TTI1: variants seen among roughly 807,000 people sequenced by gnomAD.
TTI1 encodes the protein TELO2-interacting protein 1 homolog.
A neutral mutation model predicts 85.4 loss-of-function variants in TTI1; 52 were observed. That is an observed-to-expected ratio of 0.61 (90% CI 0.49 to 0.77). The LOEUF is 0.77. Among genes scored for constraint, TTI1 ranks in the 30% least tolerant of loss-of-function variants. TTI1 has a pLI of 0.00. For synonymous variants in TTI1, 512 were observed against 503.9 expected (o/e 1.02, Z -0.22); for missense variants, 1,173 against 1,296.0 (o/e 0.91, Z 1.46).
At chr20:38,005,850 C>T (rs935720405) in intron 3 of TTI1, 5 of 240,290 alleles carry the variant, frequency 2.1e-5, no homozygotes, top group African/African-American at 4.6e-5. Context: ...TCCACCGCAG[C>T]ACTGTTTATT....
Position 37,999,242 on chromosome 20 carries a change from C to T in TTI1, c.2739G>A (p.Ser913=), listed in dbSNP as rs770631331. Residue 913 remains serine (S), a synonymous_variant, in exon 5 of 8, where the codon TCG becomes TCA. Transcript: ENST00000373447. ...LLPLAHQAWP[S]LVHRLTRDAP... ...CGTCCCGTGTGAGTCGGTGAACGAG[C>T]GAGGGCCAGGCCTGATGAGCCAAGG... 13 of 1,522,230 alleles carry T rather than the reference C, an allele frequency of 8.5e-6. No individual in the cohort carries two copies. Among genetic ancestry groups the T allele is most frequent in the South Asian group, 2.6e-5 (2 of 78,088 alleles). 94.3% of individuals were successfully genotyped at this position (1,522,230 alleles called of 1,614,324 possible). A position where few individuals can be genotyped will look rare whatever the true frequency, so the allele number is the denominator to read the frequency against.
Position 37,983,271 on chromosome 20 carries a change from TAGTC to T in TTI1, c.*181_*184del, listed in dbSNP as rs1419933683. 4 of 606,288 alleles carry T rather than the reference TAGTC, an allele frequency of 6.6e-6. No homozygotes were observed. Among genetic ancestry groups the T allele is most frequent in the East Asian group, 3.1e-5 (1 of 32,168 alleles). 37.6% of individuals were successfully genotyped at this position (606,288 alleles called of 1,614,324 possible). A position where few individuals can be genotyped will look rare whatever the true frequency, so the allele number is the denominator to read the frequency against. The stretch of plus-strand genomic sequence containing the variant: ...AACACAAGGTATGAAACATAAATAA[TAGTC>T]AGCTACTTTCCTTCAATCCATTTCT... On this transcript the variant is annotated 3_prime_UTR_variant, in exon 8 of 8. Transcript: ENST00000373447.
At chr20:38,016,825 C>T (rs1389981048) in intron 1 of TTI1, among the ~76,000 whole-genome samples, 2 of 152,216 alleles carry the variant, frequency 1.3e-5, no homozygotes, top group African/African-American at 2.4e-5. Flanking sequence ...ATTCTCTAGG[C>T]TTAATTCTTA....
rs1322494204 is a variant in TTI1, at chr20:37,997,010, A to G, written c.2794-57T>C. 43 of 1,568,292 alleles carry G rather than the reference A, an allele frequency of 2.7e-5. 3 individuals are homozygous for G. In the Admixed American group the frequency reaches 5.2e-4, roughly 19 times the overall value. On this transcript the variant is annotated intron_variant, in intron 5 of 7. Coordinates refer to ENST00000373447, the MANE Select transcript of TTI1 (RefSeq NM_001303457.2). Reference sequence around the variant, plus strand: ...ACATTGCCAAGGCAGCAAGAGAGCTAAAGAATGCTTGGTAATTCGATTTCA... The same window carrying G: ...ACATTGCCAAGGCAGCAAGAGAGCTGAAGAATGCTTGGTAATTCGATTTCA...
chr20:38,014,600 G>A (rs572441014), intron 1 of TTI1, among the ~76,000 whole-genome samples: 1 of 152,284 alleles, frequency 6.6e-6, no homozygotes, highest in Non-Finnish European at 1.5e-5. Flanking sequence ...GCGAAAGGGG[G>A]TACCCAGAGA....
intron 5 of TTI1, among the ~76,000 whole-genome samples, chr20:37,998,343 T>C (rs1049018368): frequency 6.6e-6 from 1 of 152,188 alleles, no homozygotes; most frequent in Non-Finnish European, 1.5e-5. Context: ...GTCTAGTATA[T>C]GCTGAAGAAT....
Position 37,997,095 on chromosome 20 carries a change from T to C in TTI1, c.2794-142A>G, listed in dbSNP as rs940610610. The C allele has an allele frequency of 5.1e-6, 5 of 979,628 alleles. No individual in the cohort carries two copies. In the African/African-American group the frequency reaches 6.6e-5, roughly 13 times the overall value. 60.7% of individuals were successfully genotyped at this position (979,628 alleles called of 1,614,324 possible). ...ATTACTGCTGTTAATTCCTTGCCCA[T>C]GGTTTGTGATTCTGACAGTTATGAA... is the stretch of plus-strand genomic sequence containing the variant. On this transcript the variant is annotated intron_variant, in intron 5 of 7. Transcript: ENST00000373447.
rs552453235 is a variant in TTI1 at position 38,002,794 on chromosome 20, C to T, written c.2504-18G>A. 2 of 1,612,816 alleles carry T rather than the reference C, an allele frequency of 1.2e-6. No individual in the cohort carries two copies. The highest frequency in any genetic ancestry group is 1.7e-6 in the Non-Finnish European group (2 of 1,179,238). ...CTGTTCCTCTGGAAAAAGAGCACAA[C>T]TGGGGGCAGTGTTGTATGAGTGATA... is the stretch of plus-strand genomic sequence containing the variant. On this transcript the variant is annotated intron_variant, in intron 3 of 7. Coordinates refer to ENST00000373447, the MANE Select transcript of TTI1 (RefSeq NM_001303457.2).
chr20:38,003,728 G>A (rs1048906006), intron 3 of TTI1, among the ~76,000 whole-genome samples: 1 of 150,958 alleles, frequency 6.6e-6, no homozygotes, highest in Non-Finnish European at 1.5e-5. Context: ...CTCCAGCCTG[G>A]GCAACAACAG....
At chr20:37,992,114 A>G (rs1271227197) in intron 7 of TTI1, among the ~76,000 whole-genome samples, 1 of 152,180 alleles carries the variant, frequency 6.6e-6, no homozygotes, top group African/African-American at 2.4e-5. Context: ...AGCATCCAGG[A>G]CTTGCGTGGC....
intron 1 of TTI1, among the ~76,000 whole-genome samples, chr20:38,028,288 C>G (rs1440638269): frequency 6.6e-6 from 1 of 152,104 alleles, no homozygotes; most frequent in Non-Finnish European, 1.5e-5. Context: ...AAGAAACTCA[C>G]TATGCAGAAT....
intron 1 of TTI1, among the ~76,000 whole-genome samples, chr20:38,023,826 T>C (rs2073800873): frequency 6.6e-6 from 1 of 152,244 alleles, no homozygotes; most frequent in African/African-American, 2.4e-5. Context: ...TATTTGCCCA[T>C]ACAGTGTGCT....
At chr20:38,020,319 A>ATATATATATATATATATAT (rs1555795761) in intron 1 of TTI1, among the ~76,000 whole-genome samples, 21 of 44,130 alleles carry the variant, frequency 4.8e-4, no homozygotes, top group South Asian at 2.9e-3. Context: ...TGAAAAAAAA[A>ATATATATATATATATATAT]AAAAATATAT....
Position 37,983,424 on chromosome 20 carries a change from G to A in TTI1, c.*32C>T. On this transcript the variant is annotated 3_prime_UTR_variant, in exon 8 of 8. Transcript: ENST00000373447. ...CAGCTTCTGGCTGGCAGTAGGGGAG[G>A]GATCGGTGGCCTCTGTGGTGGGGGA... The A allele has an allele frequency of 6.3e-7, 1 of 1,598,542 alleles. No individual in the cohort carries two copies. Among genetic ancestry groups the A allele is most frequent in the Non-Finnish European group, 8.5e-7 (1 of 1,174,692 alleles).
At chr20:38,004,954 G>A (rs1323252983) in intron 3 of TTI1, among the ~76,000 whole-genome samples, 1 of 152,192 alleles carries the variant, frequency 6.6e-6, no homozygotes, top group African/African-American at 2.4e-5. Flanking sequence ...AAGCCTGATA[G>A]ATTTCTGATC....
intron 1 of TTI1, among the ~76,000 whole-genome samples, chr20:38,021,680 T>C (rs945359799): frequency 5.3e-5 from 8 of 152,184 alleles, no homozygotes; most frequent in Non-Finnish European, 1.0e-4. Context: ...TCCTGGAAAG[T>C]AGTTGGCAAG....
intron 2 of TTI1, among the ~76,000 whole-genome samples, chr20:38,009,865 A>C (rs984346512): frequency 6.6e-6 from 1 of 152,050 alleles, no homozygotes; most frequent in Non-Finnish European, 1.5e-5. Flanking sequence ...CTCATCCTTC[A>C]GGTTTTGGCT....
intron 6 of TTI1, 68 bp downstream of exon 6, chr20:37,996,681 A>G: frequency 1.3e-6 from 2 of 1,537,964 alleles, no homozygotes; most frequent in South Asian, 1.2e-5. Flanking sequence ...GACTGAGCAG[A>G]GGGCATGATG....
intron 7 of TTI1, 98 bp downstream of exon 7, chr20:37,996,277 G>A: frequency 7.9e-7 from 1 of 1,269,728 alleles, no homozygotes; most frequent in South Asian, 1.3e-5. Context: ...CAGGGTGACA[G>A]AGAAAAGAGC....
Sources: gnomAD v4.1 joint callset for allele counts (sites outside exome capture counted in the v4.1 genomes callset) on GRCh38, gnomAD v4.1.1 for gene constraint, MANE v1.5 for transcripts, NCBI Gene and HGNC (gene_info 2026-07-23, HGNC 2026-07-21) for gene names.